CACNA2D2: variants seen among roughly 807,000 people sequenced by gnomAD.
CACNA2D2 encodes voltage-dependent calcium channel subunit alpha-2/delta-2.
A neutral mutation model predicts 166.4 loss-of-function variants in CACNA2D2; 48 were observed. The observed-to-expected ratio is 0.29, with a 90% CI of 0.23 to 0.37. The LOEUF (loss-of-function observed/expected upper bound fraction) is 0.37, where lower values mean the gene tolerates loss of function less well. Ranked by LOEUF, CACNA2D2 falls within the 10% of genes least tolerant of loss-of-function variation. The probability of loss-of-function intolerance (pLI) is 1.00; values close to 1 mark genes in which losing one functional copy is unlikely to be tolerated. For synonymous variants in CACNA2D2, 561 were observed against 573.7 expected, an observed-to-expected ratio of 0.98 and a Z score of 0.32; for missense variants, 1,122 against 1,433.0, an observed-to-expected ratio of 0.78 and a Z score of 3.50.
chr3:50,405,339 G>A (rs1427094039), intron 3 of CACNA2D2, among the ~76,000 whole-genome samples: 3 of 145,096 alleles, frequency 2.1e-5, no homozygotes, highest in Non-Finnish European at 3.0e-5. Flanking sequence ...ACAGGTTGCA[G>A]GGTCAGAGAG....
chr3:50,468,380 A>AGAGTGT (rs1491423913), intron 2 of CACNA2D2, among the ~76,000 whole-genome samples: 2 of 83,084 alleles, frequency 2.4e-5, no homozygotes, highest in African/African-American at 9.0e-5. Context: ...TCATCAGAAT[A>AGAGTGT]GTGTGTGTGT....
Position 50,379,418 on chromosome 3 carries a change from C to T in CACNA2D2, c.1152+14G>A, listed in dbSNP as rs963298951. On this transcript the variant is annotated intron_variant, in intron 11 of 37. Transcript: ENST00000424201. This position sits in a 1 kb window ranked among gnomAD's most constrained non-coding sequence, Gnocchi z 6.5. ...ACTCCCCCAGCCGCCCACTTGCCCA[C>T]CCATGGGGCTCACGTTCTGCAGCTG... 5.6e-6 allele frequency: 9 copies of T among 1,612,338 alleles called. No individual in the cohort carries two copies. The highest frequency in any genetic ancestry group is 2.7e-5 in the African/African-American group (2 of 74,904).
intron 2 of CACNA2D2, among the ~76,000 whole-genome samples, chr3:50,469,350 C>G (rs1427429605): frequency 1.3e-5 from 2 of 150,152 alleles, no homozygotes; most frequent in East Asian, 3.9e-4. Flanking sequence ...TCAAGCTCTG[C>G]CCCAGCTTGG....
chr3:50,421,223 A>C (rs755870204), intron 3 of CACNA2D2, among the ~76,000 whole-genome samples: 1 of 152,252 alleles, frequency 6.6e-6, no homozygotes, highest in Non-Finnish European at 1.5e-5. Flanking sequence ...TGGAGGGGGA[A>C]CTATGACAGA....
chr3:50,391,427 T>C (rs539660046), intron 4 of CACNA2D2, among the ~76,000 whole-genome samples: 10 of 152,352 alleles, frequency 6.6e-5, no homozygotes, highest in Admixed American at 3.3e-4. Context: ...CCAAGTGTGG[T>C]CCGGCAGGTG....
chr3:50,370,458 A>G, intron 22 of CACNA2D2, 78 bp from the exon 23 acceptor site: 2 of 414,672 alleles, frequency 4.8e-6, no homozygotes, highest in Non-Finnish European at 9.8e-6. Context: ...ACGGGGCTGG[A>G]AGGACAGGGG....
rs970874015 is a variant in CACNA2D2, at chr3:50,384,440, G to A, written c.511-103C>T. On this transcript the variant is annotated intron_variant, in intron 5 of 37. Transcript: ENST00000424201. ...AGGGAGGGCCAGAGTCCAGGAGATA[G>A]GGGCATCTCAAAAAGAGAGACTATT... is the stretch of plus-strand genomic sequence containing the variant. The A allele has an allele frequency of 1.0e-5, 13 of 1,304,588 alleles. No homozygotes were observed. In the African/African-American group the frequency reaches 1.8e-4, roughly 18 times the overall value. The allele number at this position is 1,304,588 out of a possible 1,614,324, so 80.8% of individuals were successfully genotyped here.
chr3:50,435,984 G>A (rs1434864412), intron 2 of CACNA2D2, among the ~76,000 whole-genome samples: 1 of 152,236 alleles, frequency 6.6e-6, no homozygotes, highest in African/African-American at 2.4e-5. Context: ...GAGGGAGACA[G>A]TGTTAGAGAC....
intron 3 of CACNA2D2, among the ~76,000 whole-genome samples, chr3:50,409,565 C>A (rs1329349269): frequency 6.6e-6 from 1 of 152,284 alleles, no homozygotes. Context: ...CTGTGGCCAG[C>A]ATCGCTCATT....
intron 1 of CACNA2D2, among the ~76,000 whole-genome samples, chr3:50,492,501 G>A (rs1283493874): frequency 6.6e-6 from 1 of 152,208 alleles, no homozygotes; most frequent in African/African-American, 2.4e-5. Context: ...GAGGCCGAAG[G>A]AAGTGTCCCT....
At chr3:50,464,137 C>T (rs1442834256) in intron 2 of CACNA2D2, among the ~76,000 whole-genome samples, 2 of 152,212 alleles carry the variant, frequency 1.3e-5, no homozygotes, top group East Asian at 1.9e-4. Context: ...GCCCCCCCAG[C>T]GACCCAAGAA....
chr3:50,448,926 T>C (rs1038122553), intron 2 of CACNA2D2, among the ~76,000 whole-genome samples: 1 of 152,172 alleles, frequency 6.6e-6, no homozygotes, highest in Admixed American at 6.5e-5. Flanking sequence ...CCCTCCTGCA[T>C]GTGGGGGAGA....
Position 50,375,542 on chromosome 3 carries a change from C to G in CACNA2D2, c.1907+102G>C, listed in dbSNP as rs1042710487. 11 of 1,246,942 alleles carry G rather than the reference C, an allele frequency of 8.8e-6. No individual in the cohort carries two copies. Among genetic ancestry groups the G allele is most frequent in the Non-Finnish European group, 1.3e-5 (11 of 865,232 alleles). The allele number at this position is 1,246,942 out of a possible 1,614,324, so 77.2% of individuals were successfully genotyped here. ...AGTGAGCAGCCCTGGCCACTGGTGC[C>G]CCACTGGGATGGTGGTCACAGTGGG... On this transcript the variant is annotated intron_variant, in intron 21 of 37. Coordinates refer to ENST00000424201, the MANE Select transcript of CACNA2D2 (RefSeq NM_006030.4). The surrounding 1 kb of genome is among the most constrained non-coding windows in gnomAD (Gnocchi z 4.0).
At chr3:50,481,310 C>T (rs1157764371) in intron 1 of CACNA2D2, among the ~76,000 whole-genome samples, 1 of 152,160 alleles carries the variant, frequency 6.6e-6, no homozygotes, top group East Asian at 1.9e-4. Context: ...AGCTCTGCCT[C>T]TGTGGGCCTT....
chr3:50,390,199 C>T (rs1705817194), intron 4 of CACNA2D2, among the ~76,000 whole-genome samples: 1 of 152,176 alleles, frequency 6.6e-6, no homozygotes, highest in Non-Finnish European at 1.5e-5. Flanking sequence ...GCTCTGGAAT[C>T]CTGGGCAGTG....
intron 2 of CACNA2D2, among the ~76,000 whole-genome samples, chr3:50,454,520 T>G (rs2106971661): frequency 6.6e-6 from 1 of 152,310 alleles, no homozygotes; most frequent in Non-Finnish European, 1.5e-5. Context: ...GGAAAGCAAT[T>G]TTTCAATCTC....
chr3:50,447,677 T>G (rs1708915998), intron 2 of CACNA2D2, among the ~76,000 whole-genome samples: 1 of 152,110 alleles, frequency 6.6e-6, no homozygotes, highest in Non-Finnish European at 1.5e-5. Context: ...TCCTGCTCAG[T>G]CACTGCTCCT....
At chr3:50,423,360 T>C (rs867365896) in intron 3 of CACNA2D2, among the ~76,000 whole-genome samples, 2 of 152,224 alleles carry the variant, frequency 1.3e-5, no homozygotes, top group Non-Finnish European at 2.9e-5. Flanking sequence ...GGATCTTGAA[T>C]AGAAGGCTGG....
Position 50,391,943 on chromosome 3 carries a change from T to C in CACNA2D2, c.465+2166A>G, listed in dbSNP as rs762893. ...GGGCTGTGGGGGCCGATCTTAGGGT[T>C]GGGGCTAGAAAAGGGAGTCCTGGGC... On this transcript the variant is annotated intron_variant, in intron 4 of 37. Coordinates refer to ENST00000424201, the MANE Select transcript of CACNA2D2 (RefSeq NM_006030.4). Among the ~76,000 whole-genome samples the C allele has an allele frequency of 6.9e-3, 1,050 of 152,244 alleles. 6 individuals are homozygous for C. Among genetic ancestry groups the C allele is most frequent in the African/African-American group, 0.024 (981 of 41,540 alleles).
Sources: gnomAD v4.1 joint callset for allele counts (sites outside exome capture counted in the v4.1 genomes callset) on GRCh38, gnomAD v4.1.1 for gene constraint, Gnocchi (gnomAD v3.1) non-coding constraint, MANE v1.5 for transcripts, NCBI Gene and HGNC (gene_info 2026-07-23, HGNC 2026-07-21) for gene names.